The following MYH10 variants were observed in gnomAD, a reference collection of about 807,000 sequenced individuals.
The protein encoded by MYH10 is myosin heavy chain 10.
In MYH10, 55 loss-of-function variants were observed where a neutral mutation model predicts 257.8. The ratio of observed to expected loss-of-function variants is 0.21; its 90% CI spans 0.17 to 0.27. MYH10 has a LOEUF of 0.27. Among genes scored for constraint, MYH10 ranks in the 10% least tolerant of loss-of-function variants. The probability of loss-of-function intolerance (pLI) is 1.00; values close to 1 mark genes in which losing one functional copy is unlikely to be tolerated. For missense variants in MYH10, 1,631 were observed against 2,500.6 expected (o/e 0.65, Z 7.42); for synonymous variants, 854 against 921.7 (o/e 0.93, Z 1.33).
intron 27 of MYH10, among the ~76,000 whole-genome samples, chr17:8,505,213 A>G (rs910664311): frequency 1.3e-5 from 2 of 152,264 alleles, no homozygotes; most frequent in Admixed American, 6.5e-5. Flanking sequence ...AGCCCTTAGA[A>G]TATGAAAACA....
Position 8,493,004 on chromosome 17 carries a change from T to C in MYH10, c.4230A>G (p.Lys1410=). ...CAATTGTTCCCAGGTCGTCATCTACTTTCTTCTTGGTATCAGCCAACTAGG... is the reference window on the plus strand; with the variant it reads ...CAATTGTTCCCAGGTCGTCATCTACCTTCTTCTTGGTATCAGCCAACTAGG... ...LQSQLADTKK[K]VDDDLGTIES... is the part of the protein sequence containing the mutation. Residue 1410 remains lysine, a synonymous_variant, in exon 33 of 43, where the codon AAA becomes AAG. Coordinates refer to ENST00000360416, the MANE Select transcript of MYH10 (RefSeq NM_001256012.3). 6.2e-7 allele frequency: 1 copy of C among 1,613,572 alleles called. No homozygotes were observed. Among genetic ancestry groups the C allele is most frequent in the Non-Finnish European group, 8.5e-7 (1 of 1,179,916 alleles).
chr17:8,560,831 G>T, intron 7 of MYH10: 2 of 576,664 alleles, frequency 3.5e-6, no homozygotes, highest in Non-Finnish European at 3.3e-6. Flanking sequence ...AAGACTGAGT[G>T]GCTGGATGGC....
Position 8,475,800 on chromosome 17 carries a change from A to AACTTTACTCTG in MYH10, c.6017_*3dup, listed in dbSNP as rs755211410. The AACTTTACTCTG allele has an allele frequency of 1.3e-5, 21 of 1,613,490 alleles. No homozygotes were observed. Among genetic ancestry groups the AACTTTACTCTG allele is most frequent in the Admixed American group, 5.0e-5 (3 of 59,934 alleles). Reference sequence around the variant, plus strand: ...TGTATTGCCTCCTCTGGCTTCCTGCAACTTTACTCTGACTGGGGTGGCTGC... The same window carrying AACTTTACTCTG: ...TGTATTGCCTCCTCTGGCTTCCTGCAACTTTACTCTGACTTTACTCTGACTGGGGTGGCTGC... On this transcript the variant is annotated 3_prime_UTR_variant, in exon 43 of 43. Transcript: ENST00000360416.
intron 9 of MYH10, among the ~76,000 whole-genome samples, chr17:8,551,445 T>C (rs550228909): frequency 6.6e-6 from 1 of 152,168 alleles, no homozygotes; most frequent in South Asian, 2.1e-4. Flanking sequence ...ATAATATATA[T>C]AATAATCATG....
In MYH10 at chr17:8,474,827, A is replaced by C. The variant is rs1241151787; in HGVS notation, c.*977T>G. Reference sequence around the variant, plus strand: ...TTCAGGAAGATGGCATCTGTTCTGGAGGCTCCATAAACCTCATTGACAAAC... The same window carrying C: ...TTCAGGAAGATGGCATCTGTTCTGGCGGCTCCATAAACCTCATTGACAAAC... On this transcript the variant is annotated 3_prime_UTR_variant, in exon 43 of 43. Transcript: ENST00000360416. 1 of 152,700 alleles carries C rather than the reference A, an allele frequency of 6.5e-6. No individual in the cohort carries two copies. The highest frequency in any genetic ancestry group is 1.5e-5 in the Non-Finnish European group (1 of 68,066). The allele number at this position is 152,700 out of a possible 1,614,324, so 9.5% of individuals were successfully genotyped here.
chr17:8,530,528 G>A (rs947049578), intron 17 of MYH10, 95 bp downstream of exon 17: 5 of 27,746 alleles, frequency 1.8e-4, no homozygotes, highest in Non-Finnish European at 3.2e-4. Context: ...GTCTACCCCC[G>A]CCCTCCCCGG....
chr17:8,524,997 G>T (rs1461210238), intron 17 of MYH10, among the ~76,000 whole-genome samples: 1 of 152,130 alleles, frequency 6.6e-6, no homozygotes, highest in Non-Finnish European at 1.5e-5. Flanking sequence ...TCAGAGTTGT[G>T]AGCCTGAAAA....
intron 30 of MYH10, among the ~76,000 whole-genome samples, chr17:8,497,738 C>CAAAAAAAAAAAAA (rs559562540): frequency 1.8e-5 from 1 of 56,874 alleles, no homozygotes; most frequent in African/African-American, 7.4e-5. Flanking sequence ...GACTCTGTCT[C>CAAAAAAAAAAAAA]AAAAAAAAAA....
intron 21 of MYH10, among the ~76,000 whole-genome samples, chr17:8,518,100 GCC>G (rs2081530768): frequency 2.7e-5 from 3 of 109,794 alleles, no homozygotes; most frequent in Non-Finnish European, 5.8e-5. Flanking sequence ...ATACCCCTTG[GCC>G]CCGTGTGTGT....
chr17:8,559,873 T>A (rs765753528), intron 7 of MYH10, among the ~76,000 whole-genome samples: 1 of 152,200 alleles, frequency 6.6e-6, no homozygotes, highest in African/African-American at 2.4e-5. Flanking sequence ...CACTACCTCA[T>A]TGAGTTAATA....
intron 30 of MYH10, among the ~76,000 whole-genome samples, chr17:8,497,628 A>G (rs1368200730): frequency 1.3e-5 from 2 of 149,434 alleles, no homozygotes; most frequent in Non-Finnish European, 3.0e-5. Flanking sequence ...AGTCCCAGCT[A>G]CCCAGGAGGC....
At chr17:8,546,007 A>T (rs2082431150) in intron 12 of MYH10, among the ~76,000 whole-genome samples, 1 of 152,174 alleles carries the variant, frequency 6.6e-6, no homozygotes, top group African/African-American at 2.4e-5. Flanking sequence ...TACCTGGGGA[A>T]AACTAGAGAT....
At chr17:8,580,303 A>C (rs2083655275) in intron 4 of MYH10, among the ~76,000 whole-genome samples, 1 of 151,898 alleles carries the variant, frequency 6.6e-6, no homozygotes, top group Non-Finnish European at 1.5e-5. Flanking sequence ...GTAAACTTCA[A>C]ATAGTTTTTT....
At chr17:8,505,670 TTTCCC>T (rs1224455414) in intron 27 of MYH10, among the ~76,000 whole-genome samples, 1 of 152,330 alleles carries the variant, frequency 6.6e-6, no homozygotes, top group Admixed American at 6.5e-5. Flanking sequence ...TGAAAAGTGA[TTTCCC>T]TTCAAGTTCT....
Position 8,620,503 on chromosome 17 carries a change from AG to A in MYH10, c.345+2398del, listed in dbSNP as rs546522689. Among the ~76,000 whole-genome samples the A allele has an allele frequency of 5.2e-4, 79 of 152,326 alleles. 1 individual carries two copies. In the South Asian group the frequency reaches 6.0e-3, roughly 12 times the overall value. On this transcript the variant is annotated intron_variant, in intron 2 of 42. Transcript: ENST00000360416. ...TGGGGGTCAGAGAGAATAAATCCAA[AG>A]AAAAGGTAAGAAAATAAAATAACTA... is the stretch of plus-strand genomic sequence containing the variant.
intron 4 of MYH10, among the ~76,000 whole-genome samples, chr17:8,578,906 G>A (rs1180263306): frequency 2.6e-5 from 4 of 151,938 alleles, no homozygotes; most frequent in Admixed American, 1.3e-4. Context: ...CCTTGCCAAC[G>A]AATAATCCTC....
intron 14 of MYH10, 61 bp downstream of exon 14, chr17:8,542,046 G>A: frequency 6.7e-7 from 1 of 1,490,336 alleles, no homozygotes; most frequent in Non-Finnish European, 9.1e-7. Context: ...CTTGGGTTAT[G>A]CCACTTAAGG....
intron 35 of MYH10, among the ~76,000 whole-genome samples, chr17:8,488,727 G>A (rs1381719416): frequency 4.6e-5 from 7 of 152,102 alleles, no homozygotes; most frequent in East Asian, 1.9e-4. Context: ...CTGCTGCTCT[G>A]CAGGGGTTGG....
chr17:8,528,557 G>A (rs1426555098), intron 17 of MYH10, among the ~76,000 whole-genome samples: 1 of 152,004 alleles, frequency 6.6e-6, no homozygotes, highest in Non-Finnish European at 1.5e-5. Flanking sequence ...AGTCCCAGAA[G>A]CCTGCATGCT....
Sources: gnomAD v4.1 joint callset for allele counts (sites outside exome capture counted in the v4.1 genomes callset) on GRCh38, gnomAD v4.1.1 for gene constraint, MANE v1.5 for transcripts, NCBI Gene and HGNC (gene_info 2026-07-23, HGNC 2026-07-21) for gene names.